ZNF333: variants seen among roughly 807,000 people sequenced by gnomAD.
ZNF333 encodes zinc finger protein 333.
In ZNF333, 61 loss-of-function variants were observed where a neutral mutation model predicts 76.1. That is an observed-to-expected ratio of 0.80 (90% CI 0.65 to 0.99). The LOEUF is 0.99. ZNF333 is among the 50% of genes least tolerant of loss of function. The pLI is 0.00. For synonymous variants in ZNF333, 284 were observed against 305.0 expected, an observed-to-expected ratio of 0.93 and a Z score of 0.72; for missense variants, 717 against 822.4, an observed-to-expected ratio of 0.87 and a Z score of 1.57.
At position 14,691,150 on chromosome 19, in the gene ZNF333, T is replaced by G. The variant is rs564277531; in HGVS notation, c.-42+1000T>G. Among the ~76,000 whole-genome samples, 14 of 152,334 alleles carry G rather than the reference T, an allele frequency of 9.2e-5. No individual in the cohort carries two copies. In the East Asian group the frequency reaches 2.5e-3, roughly 27 times the overall value. On this transcript the variant is annotated intron_variant, in intron 1 of 11. Coordinates refer to ENST00000292530, the MANE Select transcript of ZNF333 (RefSeq NM_032433.4). ...TTAATTTTTTTTGTTTTTGTTTTTCTTTATTTTCTATGTTTGAGACGACTT... is the reference window on the plus strand; with the variant it reads ...TTAATTTTTTTTGTTTTTGTTTTTCGTTATTTTCTATGTTTGAGACGACTT...
intron 4 of ZNF333, among the ~76,000 whole-genome samples, chr19:14,696,033 T>G (rs1409057813): frequency 6.6e-6 from 1 of 152,056 alleles, no homozygotes; most frequent in Non-Finnish European, 1.5e-5. Context: ...TAGCCGGATG[T>G]GATGGTGCAC....
At chr19:14,723,553 G>A (rs2042615006), downstream of ZNF333, among the ~76,000 whole-genome samples, 1 of 152,136 alleles carries the variant, frequency 6.6e-6, no homozygotes, top group Admixed American at 6.6e-5. Context: ...TCAGTGTACA[G>A]GTTCTTCATC....
chr19:14,691,495 A>G (rs1313932414), intron 1 of ZNF333, among the ~76,000 whole-genome samples: 3 of 152,204 alleles, frequency 2.0e-5, no homozygotes, highest in African/African-American at 2.4e-5. Context: ...AAAATCATGC[A>G]TCAGATTTCA....
chr19:14,717,041 G>A lies in ZNF333; in HGVS notation c.775G>A (p.Gly259Arg), dbSNP rs2042452802. Reference protein sequence around the residue: ...PNALSYLEERGEQWTTDRGVL... With the variant: ...PNALSYLEERREQWTTDRGVL... ...TGCGTTGTCTTATTTGGAAGAAAGAGGAGAGCAGTGGACCACTGACAGGGG... is the reference window on the plus strand; with the variant it reads ...TGCGTTGTCTTATTTGGAAGAAAGAAGAGAGCAGTGGACCACTGACAGGGG... Residue 259 changes from glycine to arginine, a missense_variant, in exon 10 of 12, where the codon GGA (glycine) becomes AGA (arginine). Physicochemically the swap from Gly to Arg is moderately radical, Grantham distance 125. Transcript: ENST00000292530. 1.2e-6 allele frequency: 2 copies of A among 1,611,836 alleles called. No homozygotes were observed. The highest frequency in any genetic ancestry group is 1.7e-6 in the Non-Finnish European group (2 of 1,178,872).
At chr19:14,710,754 G>C (rs1444117905) in intron 7 of ZNF333, among the ~76,000 whole-genome samples, 1 of 152,142 alleles carries the variant, frequency 6.6e-6, no homozygotes, top group African/African-American at 2.4e-5. Flanking sequence ...CTCCAGCCTG[G>C]GCGACAGAGT....
intron 5 of ZNF333, chr19:14,701,867 C>T (rs1214518996): frequency 5.1e-6 from 5 of 985,406 alleles, no homozygotes; most frequent in African/African-American, 3.5e-5. Flanking sequence ...GGAGTTCATC[C>T]CTGAAGACAT....
intron 11 of ZNF333, among the ~76,000 whole-genome samples, chr19:14,727,970 C>A (rs1282741425): frequency 6.6e-6 from 1 of 152,220 alleles, no homozygotes; most frequent in Non-Finnish European, 1.5e-5. Flanking sequence ...CGCCTGTAAT[C>A]CCAGCACTTT....
intron 5 of ZNF333, chr19:14,701,482 G>A (rs1011597614): frequency 5.7e-5 from 40 of 705,210 alleles, no homozygotes; most frequent in Middle Eastern, 1.5e-3. Context: ...TGTGTGTCAT[G>A]TAGCCCCCAG....
downstream of ZNF333, among the ~76,000 whole-genome samples, chr19:14,726,799 A>G (rs1002567466): frequency 1.3e-5 from 2 of 152,248 alleles, no homozygotes; most frequent in South Asian, 4.1e-4. Flanking sequence ...TTCACTGTCC[A>G]TATCTCTACC....
In ZNF333 at chr19:14,729,211, A is replaced by C. The variant is rs73926610; in HGVS notation, c.901-1964A>C. 1.8e-3 allele frequency among the ~76,000 whole-genome samples: 278 copies of C among 152,288 alleles called. 3 individuals carry two copies. The highest frequency in any genetic ancestry group is 6.5e-3 in the African/African-American group (270 of 41,564). ...AACCGAGAGATTCATTGCATCCTACAGTCAGGGTTTCTCAACTGTGACCTT... is the reference window on the plus strand; with the variant it reads ...AACCGAGAGATTCATTGCATCCTACCGTCAGGGTTTCTCAACTGTGACCTT... On this transcript the variant is annotated intron_variant, in intron 11 of 11. Coordinates refer to the ZNF333 transcript ENST00000540689.
intron 5 of ZNF333, 84 bp from the exon 6 acceptor site, chr19:14,704,970 A>G (rs903159716): frequency 1.5e-6 from 2 of 1,362,268 alleles, no homozygotes; most frequent in Non-Finnish European, 2.0e-6. Context: ...TGGCAGCCCT[A>G]AGCCCCAAAC....
intron 7 of ZNF333, chr19:14,706,998 AGGCCAGACCTCTCTTTG>A (rs1251998835): frequency 8.3e-6 from 4 of 482,884 alleles, no homozygotes; most frequent in African/African-American, 2.0e-5. Context: ...ACCACAGCAA[AGGCCAGACCTCTCTTTG>A]GGCAACATGA....
chr19:14,708,627 G>A (rs370127528), intron 7 of ZNF333: 5 of 360,040 alleles, frequency 1.4e-5, no homozygotes, highest in South Asian at 1.5e-4. Flanking sequence ...GGGCCGTCCT[G>A]TGCATTATAG....
Position 14,703,044 on chromosome 19 carries a change from A to G in ZNF333, c.307-2010A>G, listed in dbSNP as rs2042004397. Reference sequence around the variant, plus strand: ...ATGGTGAAACCCCGTCTCTACTAAAAATACAAAAAATTAGCCGGGCGTGGT... The same window carrying G: ...ATGGTGAAACCCCGTCTCTACTAAAGATACAAAAAATTAGCCGGGCGTGGT... On this transcript the variant is annotated intron_variant, in intron 5 of 11. Coordinates refer to ENST00000292530, the MANE Select transcript of ZNF333 (RefSeq NM_032433.4). 2.0e-5 allele frequency among the ~76,000 whole-genome samples: 3 copies of G among 151,818 alleles called. No individual in the cohort carries two copies. The South Asian group carries it at 6.2e-4, about 32-fold the overall frequency.
At position 14,690,116 on chromosome 19, in the gene ZNF333, A is replaced by C. The variant is rs892545891; in HGVS notation, c.-76A>C. 1 of 112,610 alleles carries C rather than the reference A, an allele frequency of 8.9e-6. No individual in the cohort carries two copies. The highest frequency in any genetic ancestry group is 9.3e-5 in the Admixed American group (1 of 10,768). 7.0% of individuals were successfully genotyped at this position (112,610 alleles called of 1,614,324 possible). The stretch of plus-strand genomic sequence containing the variant: ...GCTGCGCGGCGCGGCGCGGTGCGGC[A>C]CGGCACGGTGGGAGTGTCTCCGGCT... On this transcript the variant is annotated 5_prime_UTR_variant, in exon 1 of 12. Transcript: ENST00000292530.
At chr19:14,700,508 C>G (rs1973599244) in intron 5 of ZNF333, among the ~76,000 whole-genome samples, 2 of 152,262 alleles carry the variant, frequency 1.3e-5, no homozygotes, top group East Asian at 3.9e-4. Context: ...CTTAGGAGAC[C>G]AGTCTAGATC....
intron 5 of ZNF333, 200 bp downstream of exon 5, chr19:14,699,481 GAC>G: frequency 2.0e-6 from 1 of 500,380 alleles, no homozygotes; most frequent in Non-Finnish European, 3.6e-6. Flanking sequence ...TTTTTTTTGA[GAC>G]AGAGTCTTGT....
chr19:14,715,207 G>T, intron 7 of ZNF333, 175 bp from the exon 8 acceptor site: 1 of 586,696 alleles, frequency 1.7e-6, no homozygotes, highest in Admixed American at 2.8e-5. Context: ...GTGATTGCAT[G>T]CATGCGTGTG....
chr19:14,692,886 G>A (rs1972880055), intron 1 of ZNF333, among the ~76,000 whole-genome samples: 1 of 150,858 alleles, frequency 6.6e-6, no homozygotes, highest in Non-Finnish European at 1.5e-5. Flanking sequence ...GCCGTGGCAC[G>A]ATCTCAGTTC....
Sources: allele counts gnomAD v4.1 joint callset (sites outside exome capture counted in the v4.1 genomes callset), GRCh38; gene constraint gnomAD v4.1.1; transcripts MANE v1.5; gene names NCBI Gene and HGNC (gene_info 2026-07-23, HGNC 2026-07-21).